DCC: variants seen among roughly 807,000 people sequenced by gnomAD.
The protein encoded by DCC is netrin receptor DCC.
DCC carries 58 observed loss-of-function variants against 172.5 expected under a neutral mutation model. The ratio of observed to expected loss-of-function variants is 0.34; its 90% CI spans 0.27 to 0.42. The LOEUF (loss-of-function observed/expected upper bound fraction) is 0.42, where lower values mean the gene tolerates loss of function less well. Ranked by LOEUF, DCC falls within the 10% of genes least tolerant of loss-of-function variation. The pLI, the probability that DCC is intolerant of heterozygous loss-of-function variation, is 1.00. For synonymous variants in DCC, 709 were observed against 644.5 expected, an observed-to-expected ratio of 1.10 and a Z score of -1.52; for missense variants, 1,740 against 1,791.0, an observed-to-expected ratio of 0.97 and a Z score of 0.51.
chr18:53,256,741 C>T (rs2056522756), intron 12 of DCC, among the ~76,000 whole-genome samples: 1 of 152,252 alleles, frequency 6.6e-6, no homozygotes, highest in African/African-American at 2.4e-5. Context: ...TTTCCCAATT[C>T]TGTGAAGAAA....
chr18:53,157,078 A>G (rs931891784), intron 7 of DCC, among the ~76,000 whole-genome samples: 2 of 152,072 alleles, frequency 1.3e-5, no homozygotes, highest in Non-Finnish European at 2.9e-5. Context: ...CTGAGCAGAC[A>G]TTTTTTTCCC....
intron 1 of DCC, among the ~76,000 whole-genome samples, chr18:52,422,522 C>G (rs1260737688): frequency 6.6e-6 from 1 of 151,976 alleles, no homozygotes; most frequent in Non-Finnish European, 1.5e-5. Flanking sequence ...GTAGGTTGCC[C>G]CAGAGTAAGG....
chr18:53,530,846 CA>C lies in DCC; in HGVS notation c.*196del. ...TTCTTTCACAGGCATCAGGAATTGTCAAATGATGATTATGAGTTCCCTAAAC... is the reference window on the plus strand; with the variant it reads ...TTCTTTCACAGGCATCAGGAATTGTCAATGATGATTATGAGTTCCCTAAAC... On this transcript the variant is annotated 3_prime_UTR_variant, in exon 29 of 29. Transcript: ENST00000442544. 1.5e-6 allele frequency: 1 copy of C among 647,606 alleles called. No individual in the cohort carries two copies. Among genetic ancestry groups the C allele is most frequent in the Non-Finnish European group, 2.8e-6 (1 of 357,740 alleles). 40.1% of individuals were successfully genotyped at this position (647,606 alleles called of 1,614,324 possible). A position where few individuals can be genotyped will look rare whatever the true frequency, so the allele number is the denominator to read the frequency against.
At chr18:52,434,181 T>C (rs1000142596) in intron 1 of DCC, among the ~76,000 whole-genome samples, 100 of 152,234 alleles carry the variant, frequency 6.6e-4, no homozygotes, top group African/African-American at 2.3e-3. Flanking sequence ...GATTTACCTA[T>C]GTAGTTAGCT....
chr18:52,981,011 A>T (rs1447447167), intron 5 of DCC, among the ~76,000 whole-genome samples: 1 of 151,502 alleles, frequency 6.6e-6, no homozygotes, highest in African/African-American at 2.4e-5. Context: ...GGTATTTTCC[A>T]AATTTGAGCC....
chr18:52,919,815 A>G (rs2145478589), intron 3 of DCC, among the ~76,000 whole-genome samples: 1 of 152,220 alleles, frequency 6.6e-6, no homozygotes, highest in South Asian at 2.1e-4. Flanking sequence ...AAGGATGGAC[A>G]CCACCTGACT....
chr18:52,417,594 C>G (rs1414659824), intron 1 of DCC, among the ~76,000 whole-genome samples: 2 of 152,110 alleles, frequency 1.3e-5, no homozygotes, highest in East Asian at 1.9e-4. Context: ...TGTCTCTAAA[C>G]TTCCCTTCTC....
intron 12 of DCC, among the ~76,000 whole-genome samples, chr18:53,233,899 C>A (rs374651079): frequency 2.0e-5 from 3 of 151,556 alleles, no homozygotes; most frequent in African/African-American, 4.8e-5. Context: ...GGATCACCTG[C>A]GGTCAGGAGT....
intron 25 of DCC, among the ~76,000 whole-genome samples, chr18:53,469,277 C>T (rs2045666297): frequency 6.6e-6 from 1 of 152,128 alleles, no homozygotes; most frequent in Non-Finnish European, 1.5e-5. Flanking sequence ...CCAATTCTTA[C>T]CCCATTCCCT....
chr18:53,436,285 A>T (rs1219660207), intron 22 of DCC, among the ~76,000 whole-genome samples: 1 of 152,188 alleles, frequency 6.6e-6, no homozygotes, highest in African/African-American at 2.4e-5. Context: ...GTTTACAAAT[A>T]GCTCTCACTC....
intron 2 of DCC, among the ~76,000 whole-genome samples, chr18:52,802,396 G>A (rs1048844497): frequency 2.6e-5 from 4 of 151,736 alleles, no homozygotes; most frequent in African/African-American, 4.8e-5. Flanking sequence ...ATAACTGTAC[G>A]TAATTGACCC....
At chr18:52,704,062 C>T (rs1480768033) in intron 1 of DCC, among the ~76,000 whole-genome samples, 2 of 150,660 alleles carry the variant, frequency 1.3e-5, no homozygotes, top group African/African-American at 5.0e-5. Context: ...TATTTAAGGG[C>T]CCTGTTATGC....
At chr18:52,387,902 A>G (rs1433545309) in intron 1 of DCC, among the ~76,000 whole-genome samples, 1 of 152,050 alleles carries the variant, frequency 6.6e-6, no homozygotes, top group Non-Finnish European at 1.5e-5. Context: ...TTTTAAAAGT[A>G]AAAAGTAAAT....
At chr18:52,600,730 T>C (rs1219280186) in intron 1 of DCC, among the ~76,000 whole-genome samples, 13 of 152,314 alleles carry the variant, frequency 8.5e-5, no homozygotes, top group Non-Finnish European at 7.4e-5. Flanking sequence ...TTGTTGTTGG[T>C]GTTGTTTTTT....
chr18:52,821,029 C>G (rs895251269), intron 2 of DCC, among the ~76,000 whole-genome samples: 1 of 152,164 alleles, frequency 6.6e-6, no homozygotes, highest in African/African-American at 2.4e-5. Flanking sequence ...TGAATTTGTT[C>G]TCTCATTTTA....
chr18:53,167,277 T>C (rs930726225), intron 8 of DCC, among the ~76,000 whole-genome samples: 1 of 152,166 alleles, frequency 6.6e-6, no homozygotes, highest in East Asian at 1.9e-4. Flanking sequence ...AGAAGCAGAA[T>C]CATGTTTAAT....
At chr18:52,871,554 C>T (rs898086451) in intron 2 of DCC, among the ~76,000 whole-genome samples, 14 of 152,118 alleles carry the variant, frequency 9.2e-5, no homozygotes, top group African/African-American at 2.7e-4. Flanking sequence ...ACCTTGAATT[C>T]CTAGGCTCAA....
chr18:53,321,970 T>C (rs923787040), intron 13 of DCC, 77 bp from the exon 14 acceptor site: 1 of 811,780 alleles, frequency 1.2e-6, no homozygotes, highest in Non-Finnish European at 2.2e-6. Flanking sequence ...ACAATTTTGC[T>C]GAAGCTTTTG....
rs1166273382 is a variant in DCC, at chr18:52,713,826, T to A, written c.92-38228T>A. Among the ~76,000 whole-genome samples, 3 of 152,176 alleles carry A rather than the reference T, an allele frequency of 2.0e-5. No homozygotes were observed. The South Asian group carries it at 6.2e-4, about 32-fold the overall frequency. On this transcript the variant is annotated intron_variant, in intron 1 of 28. Coordinates refer to ENST00000442544, the MANE Select transcript of DCC (RefSeq NM_005215.4). The stretch of plus-strand genomic sequence containing the variant: ...TGCTAAGTGTGATACAGGGAAGCAC[T>A]TGGTTCTTGCCGGCCAGGTGTGCAT...
Sources: gnomAD v4.1 joint callset for allele counts (sites outside exome capture counted in the v4.1 genomes callset) on GRCh38, gnomAD v4.1.1 for gene constraint, MANE v1.5 for transcripts, NCBI Gene and HGNC (gene_info 2026-07-23, HGNC 2026-07-21) for gene names.